The following RIMKLB variants were observed in gnomAD, a reference collection of about 807,000 sequenced individuals.
The protein encoded by RIMKLB is beta-citrylglutamate synthase B.
RIMKLB carries 7 observed loss-of-function variants against 32.0 expected under a neutral mutation model. The observed-to-expected ratio is 0.22, with a 90% CI of 0.12 to 0.41. The LOEUF (loss-of-function observed/expected upper bound fraction) is 0.41, where lower values mean the gene tolerates loss of function less well. Among genes scored for constraint, RIMKLB ranks in the 10% least tolerant of loss-of-function variants. The probability of loss-of-function intolerance (pLI) is 1.00; values close to 1 mark genes in which losing one functional copy is unlikely to be tolerated. For synonymous variants in RIMKLB, 172 were observed against 185.1 expected (o/e 0.93, Z 0.57); for missense variants, 289 against 498.7 (o/e 0.58, Z 4.00).
At chr12:8,669,753 T>C in the RIMKLB span, among the ~76,000 whole-genome samples, 1 of 151,582 alleles carries the variant, frequency 6.6e-6, no homozygotes, top group African/African-American at 2.4e-5. Context: ...ATCGGCTGGG[T>C]GCGGTGGCTC....
At chr12:8,679,711 G>A (rs751974772), upstream of RIMKLB, 2 of 152,250 alleles carry the variant, frequency 1.3e-5, no homozygotes, top group South Asian at 2.1e-4. Flanking sequence ...TTTAGACCAC[G>A]AACAATAAGG....
At chr12:8,709,718 C>G (rs1245254632) in intron 1 of RIMKLB, among the ~76,000 whole-genome samples, 1 of 152,018 alleles carries the variant, frequency 6.6e-6, no homozygotes, top group Admixed American at 6.5e-5. Context: ...TACGCCCTGA[C>G]ACAGTACAAC....
At chr12:8,705,614 G>A (rs1397588226) in intron 1 of RIMKLB, among the ~76,000 whole-genome samples, 1 of 152,136 alleles carries the variant, frequency 6.6e-6, no homozygotes, top group African/African-American at 2.4e-5. Flanking sequence ...AATAAGGATA[G>A]GTATATCAGT....
intron 4 of RIMKLB, among the ~76,000 whole-genome samples, chr12:8,753,164 A>G (rs74060002): frequency 0.016 from 2,463 of 152,336 alleles, 64 homozygotes; most frequent in African/African-American, 0.055. Context: ...GATTCTTTAT[A>G]TTTGGCTTCT....
chr12:8,733,845 C>G (rs758186214), intron 2 of RIMKLB, among the ~76,000 whole-genome samples: 102 of 152,302 alleles, frequency 6.7e-4, no homozygotes, highest in Admixed American at 2.0e-3. Context: ...GACCATTGCA[C>G]TCTAGCCTGG....
chr12:8,707,224 G>A (rs974505820), intron 1 of RIMKLB, among the ~76,000 whole-genome samples: 10 of 152,050 alleles, frequency 6.6e-5, no homozygotes, highest in Admixed American at 4.6e-4. Flanking sequence ...TTGCCAAAAC[G>A]ACCCCGTACC....
intron 5 of RIMKLB, among the ~76,000 whole-genome samples, chr12:8,761,769 A>C (rs1235780702): frequency 3.3e-5 from 5 of 152,082 alleles, no homozygotes; most frequent in Admixed American, 6.5e-5. Context: ...GGAAAACCCA[A>C]GTGCTGTTGG....
intron 2 of RIMKLB, among the ~76,000 whole-genome samples, chr12:8,743,718 A>G (rs186706535): frequency 6.6e-6 from 1 of 151,976 alleles, no homozygotes; most frequent in East Asian, 1.9e-4. Flanking sequence ...CTTTTAATAC[A>G]CACAATACCT....
At chr12:8,754,234 C>A in intron 5 of RIMKLB, 141 bp downstream of exon 5, 1 of 633,784 alleles carries the variant, frequency 1.6e-6, no homozygotes, top group Non-Finnish European at 2.8e-6. Flanking sequence ...GATTTTTACA[C>A]ATGCCATCAA....
chr12:8,747,374 G>T (rs1948195367), intron 2 of RIMKLB, among the ~76,000 whole-genome samples: 1 of 151,948 alleles, frequency 6.6e-6, no homozygotes, highest in Non-Finnish European at 1.5e-5. Context: ...CCTTACATTT[G>T]AATTGTCCTT....
intron 2 of RIMKLB, among the ~76,000 whole-genome samples, chr12:8,715,391 A>C (rs972592171): frequency 6.6e-6 from 1 of 151,786 alleles, no homozygotes; most frequent in African/African-American, 2.4e-5. Context: ...ACGCCCGACT[A>C]ATTTTTGTAT....
chr12:8,710,447 A>G (rs1944284036), intron 1 of RIMKLB, among the ~76,000 whole-genome samples: 2 of 151,418 alleles, frequency 1.3e-5, no homozygotes, highest in African/African-American at 2.4e-5. Flanking sequence ...AGCTGGGATT[A>G]CAGGCATGTA....
chr12:8,719,924 G>A (rs1945271477), intron 2 of RIMKLB, among the ~76,000 whole-genome samples: 1 of 152,244 alleles, frequency 6.6e-6, no homozygotes, highest in South Asian at 2.1e-4. Flanking sequence ...AGACTGACAA[G>A]GAGTCTGGCC....
At position 8,776,566 on chromosome 12, in the gene RIMKLB, C is replaced by G. The variant is rs9783480; in HGVS notation, c.*2782C>G. 8.1e-3 allele frequency: 6,695 copies of G among 828,510 alleles called. 380 individuals are homozygous for G. The African/African-American group carries it at 0.11, about 14-fold the overall frequency. The allele number at this position is 828,510 out of a possible 1,614,324, so 51.3% of individuals were successfully genotyped here. A position where few individuals can be genotyped will look rare whatever the true frequency, so the allele number is the denominator to read the frequency against. On this transcript the variant is annotated 3_prime_UTR_variant, in exon 6 of 6. Coordinates refer to ENST00000535829, the MANE Select transcript of RIMKLB (RefSeq NM_001297776.2). ...AAAATTGTAATTCTAAATTGTATTT[C>G]AAAAATGATTATTTCTGATATTGTT...
chr12:8,723,275 AAGG>A (rs1198807280), intron 2 of RIMKLB, among the ~76,000 whole-genome samples: 1 of 152,174 alleles, frequency 6.6e-6, no homozygotes, highest in African/African-American at 2.4e-5. Context: ...CACAGGGAAT[AAGG>A]AGGCCCAAGG....
At chr12:8,689,639 T>A (rs965951131) in intron 1 of RIMKLB, among the ~76,000 whole-genome samples, 5 of 152,184 alleles carry the variant, frequency 3.3e-5, no homozygotes, top group Non-Finnish European at 5.9e-5. Flanking sequence ...AAAGTCTCCT[T>A]CACTTTTTCC....
At chr12:8,695,221 C>A (rs1195217439), upstream of RIMKLB, among the ~76,000 whole-genome samples, 1 of 147,184 alleles carries the variant, frequency 6.8e-6, no homozygotes, top group East Asian at 2.0e-4. Context: ...CCGGCCCCGA[C>A]ACCTCCGAAC....
intron 5 of RIMKLB, among the ~76,000 whole-genome samples, chr12:8,766,346 C>T (rs1378596192): frequency 6.6e-6 from 1 of 152,118 alleles, no homozygotes; most frequent in Non-Finnish European, 1.5e-5. Context: ...TGGTCCTTTA[C>T]CAGCGTGCCC....
rs760194979 is a variant in RIMKLB, at chr12:8,771,670, T to A, written c.698-1651T>A. On this transcript the variant is annotated intron_variant, in intron 5 of 5. Coordinates refer to ENST00000535829, the MANE Select transcript of RIMKLB (RefSeq NM_001297776.2). The stretch of plus-strand genomic sequence containing the variant: ...TTGTGGGTAATTTATTCTTTGTAAA[T>A]TTTTTTAGTGGCGCTCACATTTTAT... Among the ~76,000 whole-genome samples the A allele has an allele frequency of 4.6e-5, 7 of 152,240 alleles. No homozygotes were observed. In the South Asian group the frequency reaches 1.5e-3, roughly 32 times the overall value.
Sources: allele counts gnomAD v4.1 joint callset (sites outside exome capture counted in the v4.1 genomes callset), GRCh38; gene constraint gnomAD v4.1.1; transcripts MANE v1.5; gene names NCBI Gene and HGNC (gene_info 2026-07-23, HGNC 2026-07-21).